Variants in BANP observed in about 807,000 individuals in gnomAD.
The protein encoded by BANP is protein BANP.
A neutral mutation model predicts 68.1 loss-of-function variants in BANP; 11 were observed. The observed-to-expected ratio is 0.16, with a 90% CI of 0.10 to 0.27. BANP has a LOEUF of 0.27. Ranked by LOEUF, BANP falls within the 10% of genes least tolerant of loss-of-function variation. BANP has a pLI of 1.00. For synonymous variants in BANP, 329 were observed against 303.2 expected, an observed-to-expected ratio of 1.09 and a Z score of -0.88; for missense variants, 504 against 722.7, an observed-to-expected ratio of 0.70 and a Z score of 3.47.
chr16:88,019,477 A>C (rs1212955371), intron 7 of BANP, among the ~76,000 whole-genome samples: 4 of 151,298 alleles, frequency 2.6e-5, no homozygotes, highest in African/African-American at 9.7e-5. Context: ...CGTGAAATGT[A>C]AATCTGATCT....
chr16:87,999,245 G>A (rs948358313), intron 4 of BANP, among the ~76,000 whole-genome samples: 4 of 135,066 alleles, frequency 3.0e-5, no homozygotes, highest in African/African-American at 5.6e-5. Flanking sequence ...CACGTGCGCG[G>A]CTGTACTTAC....
chr16:88,075,029 C>A (rs551224548), intron 13 of BANP, among the ~76,000 whole-genome samples: 4 of 152,242 alleles, frequency 2.6e-5, no homozygotes, highest in African/African-American at 9.6e-5. Flanking sequence ...CGTAGCGAGA[C>A]CCCCATCTCT....
chr16:88,073,287 C>T (rs1312262534), intron 13 of BANP, among the ~76,000 whole-genome samples: 2 of 152,338 alleles, frequency 1.3e-5, no homozygotes, highest in Middle Eastern at 3.4e-3. Context: ...GTCTTCACAG[C>T]GGGGCAGCTG....
chr16:88,053,251 A>G (rs2083777286), intron 11 of BANP, among the ~76,000 whole-genome samples: 2 of 148,802 alleles, frequency 1.3e-5, no homozygotes, highest in South Asian at 4.3e-4. Flanking sequence ...AACCACTACC[A>G]CCCCCACCTC....
chr16:87,970,059 C>A (rs1250876536), intron 1 of BANP: 1 of 152,182 alleles, frequency 6.6e-6, no homozygotes, highest in Non-Finnish European at 1.5e-5. Flanking sequence ...AGGCATGTGC[C>A]ACCATACCCT....
intron 13 of BANP, among the ~76,000 whole-genome samples, chr16:88,072,636 A>G (rs1185824546): frequency 6.6e-6 from 1 of 152,244 alleles, no homozygotes; most frequent in African/African-American, 2.4e-5. Context: ...CCACGAAAAC[A>G]AAGCGCAGGG....
intron 7 of BANP, among the ~76,000 whole-genome samples, chr16:88,026,364 G>A (rs1217366907): frequency 6.6e-6 from 1 of 152,202 alleles, no homozygotes; most frequent in African/African-American, 2.4e-5. Flanking sequence ...AATGACATAA[G>A]CAAGCCCCGG....
chr16:87,953,394 A>C (rs1049784206), intron 1 of BANP, among the ~76,000 whole-genome samples: 4 of 151,882 alleles, frequency 2.6e-5, no homozygotes, highest in African/African-American at 7.3e-5. Flanking sequence ...TTTTTTCTTG[A>C]GATAGGATCC....
intron 13 of BANP, among the ~76,000 whole-genome samples, chr16:88,074,543 T>C (rs1478725094): frequency 6.6e-6 from 1 of 152,138 alleles, no homozygotes; most frequent in Non-Finnish European, 1.5e-5. Flanking sequence ...CACCAGCCTC[T>C]GCCCAGAACA....
chr16:87,972,395 A>T, intron 1 of BANP, among the ~76,000 whole-genome samples: 1 of 149,410 alleles, frequency 6.7e-6, no homozygotes. Context: ...AATGTATTTC[A>T]GTTTGTTTTG....
At position 87,995,251 on chromosome 16, in the gene BANP, G is replaced by A. The variant is rs118070515; in HGVS notation, c.363-9044G>A. On this transcript the variant is annotated intron_variant, in intron 4 of 13. Coordinates refer to ENST00000682872, the MANE Select transcript of BANP (RefSeq NM_001386991.1). ...TGACGGCCAGGGAAGTAGGCTGTGG[G>A]CTGCCCTGGCCTGGGGGTTTTTGGG... 2.9e-3 allele frequency among the ~76,000 whole-genome samples: 448 copies of A among 152,350 alleles called. 2 individuals are homozygous for A. The highest frequency in any genetic ancestry group is 6.8e-3 in the Middle Eastern group (2 of 292).
At chr16:88,010,781 C>G (rs1454081041) in intron 6 of BANP, among the ~76,000 whole-genome samples, 1 of 152,208 alleles carries the variant, frequency 6.6e-6, no homozygotes, top group East Asian at 1.9e-4. Context: ...CTATGCTGTG[C>G]CGATTCACAC....
At chr16:88,038,038 G>A (rs763670799) in intron 11 of BANP, 27 bp downstream of exon 11, 16 of 1,611,172 alleles carry the variant, frequency 9.9e-6, no homozygotes, top group Middle Eastern at 1.7e-4. Flanking sequence ...CCATGCACAT[G>A]CGGGCGTTGC....
intron 4 of BANP, among the ~76,000 whole-genome samples, chr16:87,994,619 T>G (rs1395832969): frequency 6.6e-6 from 1 of 152,218 alleles, no homozygotes; most frequent in Non-Finnish European, 1.5e-5. Flanking sequence ...GGGTATTTTT[T>G]GTTAGATGAT....
At chr16:88,056,457 CTCTCT>C (rs145885668) in intron 11 of BANP, among the ~76,000 whole-genome samples, 27,543 of 138,432 alleles carry the variant, frequency 0.2, 3,032 homozygotes, top group South Asian at 0.27. Context: ...AGCGTATTCT[CTCTCT>C]TTTTTTTTTT....
At chr16:88,032,409 C>T (rs2078389974) in intron 8 of BANP, among the ~76,000 whole-genome samples, 1 of 151,904 alleles carries the variant, frequency 6.6e-6, no homozygotes, top group African/African-American at 2.4e-5. Context: ...ACCATGTTGG[C>T]CAGGCTGGTC....
At position 88,038,452 on chromosome 16, in the gene BANP, G is replaced by A. The variant is rs575758844; in HGVS notation, c.1311+441G>A. Among the ~76,000 whole-genome samples the A allele has an allele frequency of 3.9e-5, 6 of 152,278 alleles. No homozygotes were observed. The East Asian group carries it at 5.8e-4, about 15-fold the overall frequency. On this transcript the variant is annotated intron_variant, in intron 11 of 13. Transcript: ENST00000682872. ...ATTTCAGCAGCTTTTGCGCTATGGC[G>A]GAAACGTGCCCTCCCACCCCCGCCA...
At chr16:87,980,170 A>T (rs2062978313) in intron 2 of BANP, among the ~76,000 whole-genome samples, 1 of 152,230 alleles carries the variant, frequency 6.6e-6, no homozygotes, top group South Asian at 2.1e-4. Context: ...AAAAACACTC[A>T]TGACACAATG....
chr16:88,018,349 C>G lies in BANP; in HGVS notation c.656-79C>G, dbSNP rs1265365720. 6 of 1,515,024 alleles carry G rather than the reference C, an allele frequency of 4.0e-6. No homozygotes were observed. In the African/African-American group the frequency reaches 8.2e-5, roughly 21 times the overall value. The allele number at this position is 1,515,024 out of a possible 1,614,324, so 93.8% of individuals were successfully genotyped here. A position where few individuals can be genotyped will look rare whatever the true frequency, so the allele number is the denominator to read the frequency against. ...CGTGGAGCATCTTTCCCGACTGTGC[C>G]TGAGCAGAGCGCTCTGCTGTCCTGA... is the stretch of plus-strand genomic sequence containing the variant. On this transcript the variant is annotated intron_variant, in intron 6 of 13. Coordinates refer to ENST00000682872, the MANE Select transcript of BANP (RefSeq NM_001386991.1). This position sits in a 1 kb window ranked among gnomAD's most constrained non-coding sequence, Gnocchi z 7.7.
Sources: allele counts gnomAD v4.1 joint callset (sites outside exome capture counted in the v4.1 genomes callset), GRCh38; gene constraint gnomAD v4.1.1; non-coding constraint Gnocchi (gnomAD v3.1); transcripts MANE v1.5; gene names NCBI Gene and HGNC (gene_info 2026-07-23, HGNC 2026-07-21).